The following ME1 variants were observed in gnomAD, a reference collection of about 807,000 sequenced individuals.
ME1 encodes the protein NADP-dependent malic enzyme.
A neutral mutation model predicts 66.4 loss-of-function variants in ME1; 74 were observed. The ratio of observed to expected loss-of-function variants is 1.11; its 90% CI spans 0.92 to 1.35. The LOEUF is 1.35. Among genes scored for constraint, ME1 ranks in the 40% most tolerant of loss-of-function variants. The pLI is 0.00. For missense variants in ME1, 750 were observed against 694.1 expected, an observed-to-expected ratio of 1.08 and a Z score of -0.90; for synonymous variants, 251 against 235.6, an observed-to-expected ratio of 1.07 and a Z score of -0.60.
chr6:83,349,322 T>A lies in ME1; in HGVS notation c.438+2742A>T, dbSNP rs536635635. On this transcript the variant is annotated intron_variant, in intron 4 of 13. Transcript: ENST00000369705. ...TAAATTAATATTCTCTTGCTTTTTTTAACCTACTTTATCTCCTGCTTCAGA... is the reference window on the plus strand; with the variant it reads ...TAAATTAATATTCTCTTGCTTTTTTAAACCTACTTTATCTCCTGCTTCAGA... Among the ~76,000 whole-genome samples, 60 of 152,324 alleles carry A rather than the reference T, an allele frequency of 3.9e-4. 1 individual carries two copies. The highest frequency in any genetic ancestry group is 1.4e-3 in the African/African-American group (59 of 41,580).
chr6:83,393,748 T>G (rs558890856), intron 3 of ME1, among the ~76,000 whole-genome samples: 12 of 152,214 alleles, frequency 7.9e-5, no homozygotes, highest in Non-Finnish European at 1.3e-4. Context: ...ATCCTTGAAT[T>G]TAAAACAGCT....
intron 10 of ME1, 92 bp from the exon 11 acceptor site, chr6:83,227,569 C>T (rs1790222537): frequency 1.8e-6 from 2 of 1,101,800 alleles, no homozygotes; most frequent in Non-Finnish European, 2.5e-6. Context: ...TCTATCAGCT[C>T]ATTTTCTAAT....
intron 6 of ME1, among the ~76,000 whole-genome samples, chr6:83,283,967 G>C (rs1270697141): frequency 6.6e-6 from 1 of 152,058 alleles, no homozygotes; most frequent in Non-Finnish European, 1.5e-5. Context: ...TTGAAAGAGG[G>C]AACAAGATCA....
At chr6:83,390,840 C>T (rs1020612968) in intron 3 of ME1, among the ~76,000 whole-genome samples, 4 of 151,536 alleles carry the variant, frequency 2.6e-5, no homozygotes, top group African/African-American at 9.7e-5. Flanking sequence ...CCATTTCTTC[C>T]TCTCCCCCTC....
intron 5 of ME1, among the ~76,000 whole-genome samples, chr6:83,342,610 C>T (rs778484659): frequency 6.6e-6 from 1 of 152,142 alleles, no homozygotes; most frequent in Non-Finnish European, 1.5e-5. Context: ...ATAGGGTACA[C>T]GTGATACTTG....
intron 6 of ME1, among the ~76,000 whole-genome samples, chr6:83,281,683 A>C (rs1767290706): frequency 6.6e-6 from 1 of 151,316 alleles, no homozygotes; most frequent in African/African-American, 2.4e-5. Flanking sequence ...GTGGGAGTCT[A>C]TAATTCCAGC....
rs1766960451 is a variant in ME1 at position 83,264,867 on chromosome 6, T to A, written c.705-11129A>T. Among the ~76,000 whole-genome samples, 3 of 152,194 alleles carry A rather than the reference T, an allele frequency of 2.0e-5. No individual in the cohort carries two copies. The South Asian group carries it at 6.2e-4, about 31-fold the overall frequency. On this transcript the variant is annotated intron_variant, in intron 6 of 13. Transcript: ENST00000369705. Reference sequence around the variant, plus strand: ...CTGTTGAAACGACAACAATTTAGAATATTTAGATTTGGAATATCACATAAA... The same window carrying A: ...CTGTTGAAACGACAACAATTTAGAAAATTTAGATTTGGAATATCACATAAA...
At chr6:83,260,594 T>G (rs1180185) in intron 6 of ME1, among the ~76,000 whole-genome samples, 78,792 of 151,874 alleles carry the variant, frequency 0.52, 22,880 homozygotes, top group African/African-American at 0.8. Context: ...TCTGGGGTGG[T>G]GATGAGAACA....
chr6:83,396,418 A>C (rs559170433), intron 3 of ME1, among the ~76,000 whole-genome samples: 149 of 152,278 alleles, frequency 9.8e-4, no homozygotes, highest in Non-Finnish European at 1.4e-3. Context: ...AATTTAACCA[A>C]AGAGGTGAAA....
At chr6:83,261,473 A>G (rs1766887752) in intron 6 of ME1, among the ~76,000 whole-genome samples, 2 of 118,262 alleles carry the variant, frequency 1.7e-5, no homozygotes, top group African/African-American at 6.5e-5. Flanking sequence ...ATTAGATCCC[A>G]TTTGTACATT....
At chr6:83,358,570 A>G (rs1458931718) in intron 3 of ME1, among the ~76,000 whole-genome samples, 3 of 152,218 alleles carry the variant, frequency 2.0e-5, no homozygotes, top group Non-Finnish European at 4.4e-5. Context: ...GTGCATGCAC[A>G]GCCTTGCCAG....
chr6:83,402,968 T>C (rs1211577066), intron 2 of ME1, among the ~76,000 whole-genome samples: 2 of 152,250 alleles, frequency 1.3e-5, no homozygotes, highest in Non-Finnish European at 2.9e-5. Flanking sequence ...CAACAATCCA[T>C]ATGCAAATTT....
chr6:83,228,787 A>C, intron 10 of ME1, 39 bp downstream of exon 10: 1 of 1,353,332 alleles, frequency 7.4e-7, no homozygotes, highest in East Asian at 2.3e-5. Context: ...TCAGGTCAAA[A>C]TAAGGGGTAG....
chr6:83,230,134 T>G (rs545968519), intron 9 of ME1, among the ~76,000 whole-genome samples: 25 of 151,922 alleles, frequency 1.6e-4, no homozygotes, highest in African/African-American at 5.8e-4. Flanking sequence ...CTCTGTTTTT[T>G]TTTGTTGTTG....
At chr6:83,316,943 C>T (rs1768046362) in intron 5 of ME1, among the ~76,000 whole-genome samples, 1 of 151,392 alleles carries the variant, frequency 6.6e-6, no homozygotes, top group Admixed American at 6.6e-5. Context: ...TGGGAATAAC[C>T]TGCAAAAAAT....
At chr6:83,373,768 A>AC (rs1215739058) in intron 3 of ME1, among the ~76,000 whole-genome samples, 2 of 149,684 alleles carry the variant, frequency 1.3e-5, no homozygotes, top group Non-Finnish European at 3.0e-5. Flanking sequence ...CCTTCCCCTC[A>AC]CCCCCCACAG....
intron 7 of ME1, among the ~76,000 whole-genome samples, chr6:83,242,894 A>G (rs1350107405): frequency 6.6e-6 from 1 of 152,086 alleles, no homozygotes; most frequent in African/African-American, 2.4e-5. Context: ...AAACCCAGGT[A>G]TAGGAGGCAC....
intron 5 of ME1, among the ~76,000 whole-genome samples, chr6:83,327,817 G>A (rs1240603520): frequency 6.6e-6 from 1 of 152,000 alleles, no homozygotes; most frequent in Non-Finnish European, 1.5e-5. Flanking sequence ...TGGTTTTTGT[G>A]GCTTTTGGGG....
chr6:83,255,332 A>G (rs1270164578), intron 6 of ME1, among the ~76,000 whole-genome samples: 1 of 151,892 alleles, frequency 6.6e-6, no homozygotes, highest in Non-Finnish European at 1.5e-5. Context: ...TATATATTGC[A>G]AATGGCTTTT....
Sources: gnomAD v4.1 joint callset for allele counts (sites outside exome capture counted in the v4.1 genomes callset) on GRCh38, gnomAD v4.1.1 for gene constraint, MANE v1.5 for transcripts, NCBI Gene and HGNC (gene_info 2026-07-23, HGNC 2026-07-21) for gene names.